The following F8 variants were observed in gnomAD, a reference collection of about 807,000 sequenced individuals.
F8 encodes antihemophilic factor.
F8 carries 12 observed loss-of-function variants against 140.6 expected under a neutral mutation model. The ratio of observed to expected loss-of-function variants is 0.09; its 90% CI spans 0.05 to 0.14. The LOEUF is 0.14. Among genes scored for constraint, F8 ranks in the 10% least tolerant of loss-of-function variants. The probability of loss-of-function intolerance (pLI) is 1.00; values close to 1 mark genes in which losing one functional copy is unlikely to be tolerated. For missense variants in F8, 1,354 were observed against 1,720.7 expected (o/e 0.79, Z 3.77); for synonymous variants, 585 against 614.6 (o/e 0.95, Z 0.71).
At chrX:154,871,868 C>G (rs2072776342) in intron 22 of F8, among the ~76,000 whole-genome samples, 1 of 111,629 alleles carries the variant, frequency 9.0e-6, no homozygotes, top group African/African-American at 3.3e-5. Context: ...ACAAACAACC[C>G]CATCAAAAAA....
chrX:154,888,380 A>ATTTTTTTTT lies in F8; in HGVS notation c.6429+7688_6429+7696dup, dbSNP rs782710109. 2.4e-3 allele frequency among the ~76,000 whole-genome samples: 54 copies of ATTTTTTTTT among 22,223 alleles called. 1 individual carries two copies. The highest frequency in any genetic ancestry group is 4.0e-3 in the African/African-American group (13 of 3,230). 19.3% of individuals were successfully genotyped at this position (22,223 alleles called of 115,157 possible). On this transcript the variant is annotated intron_variant, in intron 22 of 25. Transcript: ENST00000360256. ...ACAACAGCTTTTATTTGTAATAGGG[A>ATTTTTTTTT]TTTTTTTTTTTTTTTTTTTTTTTTT...
intron 9 of F8, among the ~76,000 whole-genome samples, chrX:154,962,495 G>T (rs1557281658): frequency 8.9e-6 from 1 of 111,934 alleles, no homozygotes; most frequent in African/African-American, 3.2e-5. Flanking sequence ...AATCTTCAGT[G>T]CATGAGCAGG....
chrX:154,931,052 A>G lies in F8; in HGVS notation c.2738T>C (p.Leu913Ser). The change falls in exon 14 of 26, where the codon TTG (leucine) becomes TCG (serine). Residue 913 changes from leucine to serine, a missense_variant. Transcript: ENST00000360256. ...NLISTIPSDN[L>S]AAGTDNTSSL... ...ACTTGTATTATCAGTACCTGCTGCC[A>G]AATTGTCTGATGGAATTGTTGAAAT... 1 of 1,198,275 alleles carries G rather than the reference A, an allele frequency of 8.3e-7. No homozygotes were observed.
At chrX:155,008,412 G>A (rs1021883535) in intron 1 of F8, among the ~76,000 whole-genome samples, 56 of 111,750 alleles carry the variant, frequency 5.0e-4, no homozygotes, top group African/African-American at 1.7e-3. Flanking sequence ...GGCCCCGCCA[G>A]GCTAACCCAG....
At chrX:154,974,787 A>C (rs1230627222) in intron 6 of F8, among the ~76,000 whole-genome samples, 2 of 110,407 alleles carry the variant, frequency 1.8e-5, no homozygotes, top group African/African-American at 6.6e-5. Context: ...TTTGTTCAAA[A>C]TTTCCATTTT....
intron 22 of F8, among the ~76,000 whole-genome samples, chrX:154,870,703 C>T (rs1557273530): frequency 9.0e-6 from 1 of 111,598 alleles, no homozygotes; most frequent in Non-Finnish European, 1.9e-5. Context: ...CCAGGGCAAT[C>T]AGGCAAGAGA....
At chrX:154,915,017 C>T (rs2073088432) in intron 14 of F8, among the ~76,000 whole-genome samples, 2 of 111,882 alleles carry the variant, frequency 1.8e-5, no homozygotes, top group Admixed American at 9.5e-5. Context: ...CTCACAGTTC[C>T]GCATTGCTGG....
At position 154,953,965 on chromosome X, in the gene F8, T is replaced by C. The variant is rs931279960; in HGVS notation, c.1830A>G (p.Ile610Met). 1.7e-6 allele frequency: 2 copies of C among 1,211,665 alleles called. No individual in the cohort carries two copies. Among genetic ancestry groups the C allele is most frequent in the Non-Finnish European group, 2.2e-6 (2 of 895,315 alleles). The stretch of plus-strand genomic sequence containing the variant: ...CAGCTGGATTGGGGAGAAAGCGTTG[T>C]ATATTCTCTGTGAGGTACCAGCTTC... ...ENRSWYLTEN[I>M]QRFLPNPAGV... is the part of the protein sequence containing the mutation. The change falls in exon 12 of 26, where the codon ATA becomes ATG. Residue 610 changes from isoleucine to methionine, a missense_variant. Transcript: ENST00000360256.
At chrX:154,894,587 C>T (rs1557275483) in intron 22 of F8, among the ~76,000 whole-genome samples, 1 of 110,428 alleles carries the variant, frequency 9.1e-6, no homozygotes, top group Admixed American at 9.6e-5. Flanking sequence ...GGTGTGGTGG[C>T]ATGAGCCCGT....
At chrX:154,841,208 C>CTTTTT (rs1168917544) in intron 25 of F8, among the ~76,000 whole-genome samples, 22 of 48,660 alleles carry the variant, frequency 4.5e-4, no homozygotes, top group African/African-American at 1.3e-3. Context: ...TTGCTTTCTT[C>CTTTTT]TTTTTTTTTT....
chrX:154,939,274 AG>A (rs1224421967), intron 13 of F8, among the ~76,000 whole-genome samples: 1 of 112,257 alleles, frequency 8.9e-6, no homozygotes, highest in Non-Finnish European at 1.9e-5. Flanking sequence ...AGTCAAAGAA[AG>A]GGGTGACAGA....
At chrX:154,856,696 C>T (rs2072654025) in intron 25 of F8, among the ~76,000 whole-genome samples, 1 of 112,106 alleles carries the variant, frequency 8.9e-6, no homozygotes, top group African/African-American at 3.2e-5. Context: ...GGCTCAGTCT[C>T]CTTGAGGAAG....
chrX:154,906,573 C>T lies in F8; in HGVS notation c.5220G>A (p.Arg1740=), dbSNP rs1557276380. Residue 1740 remains arginine, a splice_region_variant and synonymous_variant, in exon 15 of 26, where the codon AGG becomes AGA. Coordinates refer to ENST00000360256, the MANE Select transcript of F8 (RefSeq NM_000132.4). ...ACTGAGGGACACTGCCACTCTGAGC[C>T]CTGGAGAAAAAAAGCAGAGGAAAAG... ...MSSSPHVLRN[R]AQSGSVPQFK... is the part of the protein sequence containing the mutation. The T allele has an allele frequency of 6.6e-6, 8 of 1,209,555 alleles. No individual in the cohort carries two copies. The highest frequency in any genetic ancestry group is 1.8e-5 in the South Asian group (1 of 56,860).
At chrX:154,968,991 T>C (rs185189030) in intron 7 of F8, among the ~76,000 whole-genome samples, 3 of 110,640 alleles carry the variant, frequency 2.7e-5, no homozygotes, top group Non-Finnish European at 5.7e-5. Context: ...AGTTCCTCTC[T>C]CCATAATATT....
At chrX:154,993,486 T>G (rs957299147) in intron 3 of F8, among the ~76,000 whole-genome samples, 7 of 111,533 alleles carry the variant, frequency 6.3e-5, no homozygotes, top group African/African-American at 2.3e-4. Context: ...ACTCCTGACC[T>G]TGTGATCCAC....
chrX:154,966,561 A>C lies in F8; in HGVS notation c.1136T>G (p.Phe379Cys). 1 of 1,211,594 alleles carries C rather than the reference A, an allele frequency of 8.3e-7. No homozygotes were observed. The highest frequency in any genetic ancestry group is 1.1e-6 in the Non-Finnish European group (1 of 895,461). ...AAAGGAAGGAGAGTTGTCATCATCA[A>C]ACCTGACCACATCCATTTCAGAATC... The part of the protein sequence containing the change: ...LTDSEMDVVR[F>C]DDDNSPSFIQ... The change falls in exon 8 of 26, where the codon TTT becomes TGT. Residue 379 changes from phenylalanine to cysteine, a missense_variant. Physicochemically the swap from Phe to Cys is radical, Grantham distance 205. Around this residue, in one of 4 missense-constraint regions of F8, gnomAD observed 252 missense variants for 338.5 expected, o/e 0.74. Coordinates refer to ENST00000360256, the MANE Select transcript of F8 (RefSeq NM_000132.4).
At chrX:154,868,590 A>G (rs2072748814) in intron 22 of F8, among the ~76,000 whole-genome samples, 1 of 112,127 alleles carries the variant, frequency 8.9e-6, no homozygotes, top group Admixed American at 9.5e-5. Flanking sequence ...CACTGCAAAA[A>G]CATACCAAAT....
At chrX:154,977,010 A>G (rs1418943444) in intron 6 of F8, among the ~76,000 whole-genome samples, 3 of 111,091 alleles carry the variant, frequency 2.7e-5, no homozygotes, top group African/African-American at 6.5e-5. Flanking sequence ...TTCTTCTATC[A>G]GTATGTTTTA....
At chrX:154,907,071 C>A (rs1279203437) in intron 14 of F8, among the ~76,000 whole-genome samples, 2 of 112,004 alleles carry the variant, frequency 1.8e-5, no homozygotes, top group Non-Finnish European at 3.8e-5. Context: ...CTGGATGTCC[C>A]TTTTCAATCA....
Sources: gnomAD v4.1 joint callset for allele counts (sites outside exome capture counted in the v4.1 genomes callset) on GRCh38, gnomAD v4.1.1 for gene constraint, gnomAD v4.1.1 regional missense constraint, MANE v1.5 for transcripts, NCBI Gene and HGNC (gene_info 2026-07-23, HGNC 2026-07-21) for gene names.